AGAP1: variants seen among roughly 807,000 people sequenced by gnomAD.
AGAP1 encodes ArfGAP with GTPase domain, ankyrin repeat and PH domain 1, also known as arf-GAP with GTPase, ANK repeat and PH domain-containing protein 1.
AGAP1 carries 29 observed loss-of-function variants against 105.3 expected under a neutral mutation model. The observed-to-expected ratio is 0.28, with a 90% CI of 0.21 to 0.38. The LOEUF (loss-of-function observed/expected upper bound fraction) is 0.38. AGAP1 is among the 10% of genes least tolerant of loss of function. AGAP1 has a pLI of 1.00. For synonymous variants in AGAP1, 509 were observed against 485.9 expected, an observed-to-expected ratio of 1.05 and a Z score of -0.63; for missense variants, 998 against 1,165.1, an observed-to-expected ratio of 0.86 and a Z score of 2.09.
chr2:235,879,205 C>T lies in AGAP1; in HGVS notation c.1051-4140C>T, dbSNP rs1319444405. Reference sequence around the variant, plus strand: ...ATAACTTCGCTGCCCCTGACTTGTTCCTTTGGGGAGCAGGGGACATGACTG... The same window carrying T: ...ATAACTTCGCTGCCCCTGACTTGTTTCTTTGGGGAGCAGGGGACATGACTG... On this transcript the variant is annotated intron_variant, in intron 9 of 17. Transcript: ENST00000304032. This position sits in a 1 kb window ranked among gnomAD's most constrained non-coding sequence, Gnocchi z 5.0. 6.6e-6 allele frequency among the ~76,000 whole-genome samples: 1 copy of T among 152,198 alleles called. No individual in the cohort carries two copies. Among genetic ancestry groups the T allele is most frequent in the Non-Finnish European group, 1.5e-5 (1 of 68,034 alleles).
At chr2:236,074,488 C>T (rs1373154702) in intron 16 of AGAP1, among the ~76,000 whole-genome samples, 1 of 152,152 alleles carries the variant, frequency 6.6e-6, no homozygotes, top group Non-Finnish European at 1.5e-5. Context: ...AGCTTAAGCT[C>T]AGCAATTTCA....
chr2:235,953,558 G>T lies in AGAP1; in HGVS notation c.1484-14904G>T, dbSNP rs747550389. Among the ~76,000 whole-genome samples, 1 of 152,138 alleles carries T rather than the reference G, an allele frequency of 6.6e-6. No homozygotes were observed. Among genetic ancestry groups the T allele is most frequent in the Non-Finnish European group, 1.5e-5 (1 of 68,026 alleles). On this transcript the variant is annotated intron_variant, in intron 12 of 17. Transcript: ENST00000304032. This position sits in a 1 kb window ranked among gnomAD's most constrained non-coding sequence, Gnocchi z 5.2. ...TCAAATTTTGTTTGTTCTTTGTGCT[G>T]CAGTGGTCTTACTTGGCAACTCCCT... is the stretch of plus-strand genomic sequence containing the variant.
intron 1 of AGAP1, among the ~76,000 whole-genome samples, chr2:235,541,376 CTTTTTTTTTTT>C (rs556785424): frequency 4.7e-4 from 43 of 91,108 alleles, no homozygotes; most frequent in Non-Finnish European, 5.6e-4. Context: ...CATTCTTATT[CTTTTTTTTTTT>C]TTTTTTTTTT....
chr2:235,914,096 TAAAA>T (rs1000965109), intron 11 of AGAP1, among the ~76,000 whole-genome samples: 2 of 152,204 alleles, frequency 1.3e-5, no homozygotes, highest in African/African-American at 4.8e-5. Context: ...TGGTCAGAAA[TAAAA>T]CTCCTAATTT....
rs1157547544 is a variant in AGAP1, at chr2:236,083,415, T to C, written c.2114+34134T>C. On this transcript the variant is annotated intron_variant, in intron 16 of 17. Transcript: ENST00000304032. The surrounding 1 kb of genome is among the most constrained non-coding windows in gnomAD (Gnocchi z 5.3). ...AAAGATTAAAGGATTGTTTTCATTT[T>C]ATTATAAGGAAGAGACATTTTTGGT... is the stretch of plus-strand genomic sequence containing the variant. 6.6e-6 allele frequency among the ~76,000 whole-genome samples: 1 copy of C among 152,250 alleles called. No individual in the cohort carries two copies. Among genetic ancestry groups the C allele is most frequent in the East Asian group, 1.9e-4 (1 of 5,206 alleles).
intron 16 of AGAP1, among the ~76,000 whole-genome samples, chr2:236,084,547 G>A (rs1371282831): frequency 1.3e-5 from 2 of 152,094 alleles, no homozygotes; most frequent in African/African-American, 2.4e-5. Flanking sequence ...ACCTCTGTTT[G>A]GATATAAATC....
rs1951834271 is a variant in AGAP1, at chr2:235,729,602, G to A, written c.311-11361G>A. 1.3e-5 allele frequency among the ~76,000 whole-genome samples: 2 copies of A among 152,104 alleles called. No individual in the cohort carries two copies. The highest frequency in any genetic ancestry group is 2.9e-5 in the Non-Finnish European group (2 of 68,026). On this transcript the variant is annotated intron_variant, in intron 3 of 17. Coordinates refer to ENST00000304032, the MANE Select transcript of AGAP1 (RefSeq NM_001037131.3). The surrounding 1 kb of genome is among the most constrained non-coding windows in gnomAD (Gnocchi z 5.0). ...GTTGGTCCACTTGGTTATTCTTGGG[G>A]ACCAAAATCCAAGCTAGGATGGGGA...
Position 235,553,190 on chromosome 2 carries a change from G to T in AGAP1, c.163+58341G>T, listed in dbSNP as rs1410276881. On this transcript the variant is annotated intron_variant, in intron 1 of 17. Coordinates refer to ENST00000304032, the MANE Select transcript of AGAP1 (RefSeq NM_001037131.3). The surrounding 1 kb of genome is among the most constrained non-coding windows in gnomAD (Gnocchi z 4.5). Reference sequence around the variant, plus strand: ...TATATTTGAAAACCAAGAAGATGGTGAACTAACATTCTCAAGTACTGTCTT... The same window carrying T: ...TATATTTGAAAACCAAGAAGATGGTTAACTAACATTCTCAAGTACTGTCTT... 6.6e-6 allele frequency among the ~76,000 whole-genome samples: 1 copy of T among 151,948 alleles called. No individual in the cohort carries two copies. The highest frequency in any genetic ancestry group is 1.5e-5 in the Non-Finnish European group (1 of 68,006).
chr2:236,020,233 A>G lies in AGAP1; in HGVS notation c.1646-16328A>G, dbSNP rs2056840817. 6.6e-6 allele frequency among the ~76,000 whole-genome samples: 1 copy of G among 152,186 alleles called. No individual in the cohort carries two copies. Among genetic ancestry groups the G allele is most frequent in the African/African-American group, 2.4e-5 (1 of 41,436 alleles). On this transcript the variant is annotated intron_variant, in intron 13 of 17. Transcript: ENST00000304032. The surrounding 1 kb of genome is among the most constrained non-coding windows in gnomAD (Gnocchi z 5.0). ...TAGAGATGTGGAACATGGCCCCTGC[A>G]TTGCTCCTTGCCTAGGACCAGTAAG... is the stretch of plus-strand genomic sequence containing the variant.
At chr2:236,013,290 C>G (rs1390597621) in intron 13 of AGAP1, among the ~76,000 whole-genome samples, 1 of 152,178 alleles carries the variant, frequency 6.6e-6, no homozygotes, top group African/African-American at 2.4e-5. Flanking sequence ...ACTTGAGATT[C>G]ATTTCTGCAA....
intron 12 of AGAP1, among the ~76,000 whole-genome samples, chr2:235,945,229 T>C (rs1323542729): frequency 6.6e-6 from 1 of 152,112 alleles, no homozygotes; most frequent in East Asian, 1.9e-4. Flanking sequence ...GCCTCCTGAG[T>C]ATCTGGGGCT....
chr2:235,999,299 GTGATGGTGA>G (rs1559176821), intron 13 of AGAP1, among the ~76,000 whole-genome samples: 4 of 50,448 alleles, frequency 7.9e-5, no homozygotes, highest in African/African-American at 3.7e-4. Context: ...GGTGGTGGTG[GTGATGGTGA>G]TGGTGGTGGT....
intron 1 of AGAP1, among the ~76,000 whole-genome samples, chr2:235,657,373 T>C (rs1053366082): frequency 1.3e-5 from 2 of 152,002 alleles, no homozygotes; most frequent in Admixed American, 1.3e-4. Flanking sequence ...ATAAGTGATG[T>C]TGTTGTTGTT....
chr2:235,568,709 C>G (rs1023919310), intron 1 of AGAP1, among the ~76,000 whole-genome samples: 3 of 152,190 alleles, frequency 2.0e-5, no homozygotes, highest in African/African-American at 4.8e-5. Context: ...TCTTTGAGGT[C>G]AGAAGTCCTT....
rs1426521403 is a variant in AGAP1 at position 235,550,248 on chromosome 2, C to T, written c.163+55399C>T. On this transcript the variant is annotated intron_variant, in intron 1 of 17. Transcript: ENST00000304032. This position sits in a 1 kb window ranked among gnomAD's most constrained non-coding sequence, Gnocchi z 4.6. Reference sequence around the variant, plus strand: ...GGCACCTCCTCGTCACAGTGTTCTCCGCAGCCCTGACTGGCGAGGAGGGCA... The same window carrying T: ...GGCACCTCCTCGTCACAGTGTTCTCTGCAGCCCTGACTGGCGAGGAGGGCA... Among the ~76,000 whole-genome samples the T allele has an allele frequency of 1.3e-5, 2 of 152,122 alleles. No homozygotes were observed. Among genetic ancestry groups the T allele is most frequent in the African/African-American group, 2.4e-5 (1 of 41,446 alleles).
intron 11 of AGAP1, among the ~76,000 whole-genome samples, chr2:235,913,046 C>A: frequency 6.6e-6 from 1 of 152,164 alleles, no homozygotes; most frequent in South Asian, 2.1e-4. Context: ...GGTATTTCCC[C>A]AGTTTATTAT....
Position 235,494,833 on chromosome 2 carries a change from C to T in AGAP1, c.147C>T (p.His49=), listed in dbSNP as rs1326364622. 6.4e-7 allele frequency: 1 copy of T among 1,572,430 alleles called. No homozygotes were observed. Among genetic ancestry groups the T allele is most frequent in the East Asian group, 2.5e-5 (1 of 39,842 alleles). Residue 49 remains histidine (H), a synonymous_variant, in exon 1 of 18, where the codon CAC becomes CAT. Coordinates refer to ENST00000304032, the MANE Select transcript of AGAP1 (RefSeq NM_001037131.3). ...TGCTGCAGAACCAGATCCGGGAGCACGTCATCGCCATCGAAGGTGAGGGCC... is the reference window on the plus strand; with the variant it reads ...TGCTGCAGAACCAGATCCGGGAGCATGTCATCGCCATCGAAGGTGAGGGCC... ...EPVLQNQIRE[H]VIAIEDAFVN...
Position 235,686,659 on chromosome 2 carries a change from ATATATAT to A in AGAP1, c.164-22518_164-22512del, listed in dbSNP as rs1559351215. Among the ~76,000 whole-genome samples, 9 of 42,268 alleles carry A rather than the reference ATATATAT, an allele frequency of 2.1e-4. 1 individual carries two copies. Among genetic ancestry groups the A allele is most frequent in the African/African-American group, 8.7e-4 (6 of 6,868 alleles). 27.7% of individuals were successfully genotyped at this position (42,268 alleles called of 152,430 possible). A position where few individuals can be genotyped will look rare whatever the true frequency, so the allele number is the denominator to read the frequency against. On this transcript the variant is annotated intron_variant, in intron 1 of 17. Coordinates refer to ENST00000304032, the MANE Select transcript of AGAP1 (RefSeq NM_001037131.3). ...TATATATATATAGATATATATATAT[ATATATAT>A]TTTTTTTTTTTTTTAGACAGAGTCT...
chr2:236,028,943 TC>T (rs1249412912), intron 13 of AGAP1, among the ~76,000 whole-genome samples: 1 of 152,194 alleles, frequency 6.6e-6, no homozygotes, highest in Non-Finnish European at 1.5e-5. Flanking sequence ...TGATTTTTTT[TC>T]TTTCTTCTGG....
Sources: gnomAD v4.1 joint callset for allele counts (sites outside exome capture counted in the v4.1 genomes callset) on GRCh38, gnomAD v4.1.1 for gene constraint, Gnocchi (gnomAD v3.1) non-coding constraint, MANE v1.5 for transcripts, NCBI Gene and HGNC (gene_info 2026-07-23, HGNC 2026-07-21) for gene names.